KLHDC10: variants seen among roughly 807,000 people sequenced by gnomAD.
KLHDC10 encodes the protein kelch domain-containing protein 10.
Under a neutral mutation model 56.1 loss-of-function variants are expected in KLHDC10, and 24 were observed. The observed-to-expected ratio is 0.43, with a 90% CI of 0.31 to 0.60. KLHDC10 has a LOEUF of 0.60. KLHDC10 is among the 20% of genes least tolerant of loss of function. KLHDC10 has a pLI of 0.11. For synonymous variants in KLHDC10, 188 were observed against 207.1 expected (o/e 0.91, Z 0.79); for missense variants, 349 against 567.0 (o/e 0.62, Z 3.91).
At position 130,134,081 on chromosome 7, in the gene KLHDC10, A is replaced by T. The variant is rs1287494501; in HGVS notation, c.*3335A>T. The T allele has an allele frequency of 6.6e-6, 1 of 152,242 alleles. No individual in the cohort carries two copies. The highest frequency in any genetic ancestry group is 1.5e-5 in the Non-Finnish European group (1 of 68,030). 9.4% of individuals were successfully genotyped at this position (152,242 alleles called of 1,614,324 possible). On this transcript the variant is annotated 3_prime_UTR_variant, in exon 10 of 10. Transcript: ENST00000335420. ...ACCTTTGGTTATCCACAGTAGCAAG[A>T]GTAAAGCACAGATCATTGAAATCCA...
chr7:130,102,173 C>T (rs572446820), intron 2 of KLHDC10, among the ~76,000 whole-genome samples: 1 of 152,168 alleles, frequency 6.6e-6, no homozygotes, highest in South Asian at 2.1e-4. Context: ...GGTCAAACTG[C>T]TTTCTTTTTC....
At chr7:130,077,114 G>A (rs1235360488) in intron 1 of KLHDC10, among the ~76,000 whole-genome samples, 2 of 151,894 alleles carry the variant, frequency 1.3e-5, no homozygotes, top group Non-Finnish European at 2.9e-5. Flanking sequence ...CAACACTTTG[G>A]GATGCTGAGG....
At chr7:130,077,558 T>TC (rs1436441764) in intron 1 of KLHDC10, among the ~76,000 whole-genome samples, 1 of 136,656 alleles carries the variant, frequency 7.3e-6, no homozygotes, top group Admixed American at 7.2e-5. Flanking sequence ...TTTCTTTCTT[T>TC]TTTTTTTTTT....
intron 7 of KLHDC10, among the ~76,000 whole-genome samples, chr7:130,126,470 G>T (rs1228096305): frequency 1.3e-5 from 2 of 151,510 alleles, no homozygotes; most frequent in East Asian, 3.9e-4. Flanking sequence ...GAGGTCAGGA[G>T]TTCGAGACGA....
chr7:130,096,863 T>A, intron 1 of KLHDC10, 58 bp from the exon 2 acceptor site: 1 of 1,152,458 alleles, frequency 8.7e-7, no homozygotes, highest in South Asian at 1.3e-5. Flanking sequence ...ACAGTAACTA[T>A]GTATTATTTG....
chr7:130,128,911 T>A (rs1468018751), intron 8 of KLHDC10, among the ~76,000 whole-genome samples: 14 of 129,270 alleles, frequency 1.1e-4, no homozygotes, highest in Non-Finnish European at 1.6e-4. Flanking sequence ...TATATATATA[T>A]ATATATATAC....
At position 130,130,123 on chromosome 7, in the gene KLHDC10, T is replaced by C. The variant is rs981695879; in HGVS notation, c.1120-414T>C. On this transcript the variant is annotated intron_variant, in intron 9 of 9. Coordinates refer to ENST00000335420, the MANE Select transcript of KLHDC10 (RefSeq NM_014997.4). This position sits in a 1 kb window ranked among gnomAD's most constrained non-coding sequence, Gnocchi z 4.2. ...CGAGGTCAGGAGATTGAGACCATCC[T>C]GGCTAACACGGATGAAACCCCATCT... Among the ~76,000 whole-genome samples, 2 of 151,918 alleles carry C rather than the reference T, an allele frequency of 1.3e-5. No homozygotes were observed. Among genetic ancestry groups the C allele is most frequent in the Non-Finnish European group, 2.9e-5 (2 of 67,964 alleles).
At chr7:130,115,361 C>A (rs556428603) in intron 2 of KLHDC10, among the ~76,000 whole-genome samples, 1 of 152,030 alleles carries the variant, frequency 6.6e-6, no homozygotes, top group Non-Finnish European at 1.5e-5. Context: ...ACAGAAACTA[C>A]AATAAAGTTT....
rs900776537 is a variant in KLHDC10 at position 130,132,425 on chromosome 7, C to T, written c.*1679C>T. The T allele has an allele frequency of 6.6e-6, 1 of 152,160 alleles. No individual in the cohort carries two copies. Among genetic ancestry groups the T allele is most frequent in the African/African-American group, 2.4e-5 (1 of 41,430 alleles). 9.4% of individuals were successfully genotyped at this position (152,160 alleles called of 1,614,324 possible). On this transcript the variant is annotated 3_prime_UTR_variant, in exon 10 of 10. Coordinates refer to ENST00000335420, the MANE Select transcript of KLHDC10 (RefSeq NM_014997.4). Reference sequence around the variant, plus strand: ...TGTTCAGTTCTGGGAAAGAGAAAACCGTAGCCTCCAGACATGCTCCTGATT... The same window carrying T: ...TGTTCAGTTCTGGGAAAGAGAAAACTGTAGCCTCCAGACATGCTCCTGATT...
Position 130,130,244 on chromosome 7 carries a change from C to G in KLHDC10, c.1120-293C>G, listed in dbSNP as rs977509361. Among the ~76,000 whole-genome samples, 1 of 150,832 alleles carries G rather than the reference C, an allele frequency of 6.6e-6. No homozygotes were observed. Among genetic ancestry groups the G allele is most frequent in the African/African-American group, 2.4e-5 (1 of 40,886 alleles). ...CTGAAGCAGGAGAATGGCGTGAACC[C>G]GGGAGGCGGAGAGCTTGCAGTGAGC... On this transcript the variant is annotated intron_variant, in intron 9 of 9. Coordinates refer to ENST00000335420, the MANE Select transcript of KLHDC10 (RefSeq NM_014997.4). This position sits in a 1 kb window ranked among gnomAD's most constrained non-coding sequence, Gnocchi z 4.2.
At chr7:130,108,018 A>G (rs1281962488) in intron 2 of KLHDC10, among the ~76,000 whole-genome samples, 2 of 151,286 alleles carry the variant, frequency 1.3e-5, no homozygotes, top group Admixed American at 1.3e-4. Flanking sequence ...CCGTCTCCAA[A>G]CAAAACAAAA....
At chr7:130,125,715 G>T (rs1005023273) in intron 6 of KLHDC10, 150 bp from the exon 7 acceptor site, 1 of 624,438 alleles carries the variant, frequency 1.6e-6, no homozygotes, top group Non-Finnish European at 2.8e-6. Flanking sequence ...CCAGTTTTCT[G>T]TATGGAAAAT....
At chr7:130,113,949 T>C (rs1403546583) in intron 2 of KLHDC10, among the ~76,000 whole-genome samples, 1 of 152,238 alleles carries the variant, frequency 6.6e-6, no homozygotes, top group Non-Finnish European at 1.5e-5. Flanking sequence ...GTCTTGCTAA[T>C]TCTTAGAAAG....
chr7:130,076,086 T>G (rs1011611787), intron 1 of KLHDC10, among the ~76,000 whole-genome samples: 10 of 152,098 alleles, frequency 6.6e-5, no homozygotes, highest in African/African-American at 2.2e-4. Flanking sequence ...GATGAAACTG[T>G]TCCACCTCAG....
chr7:130,082,412 A>AG (rs1795621006), intron 1 of KLHDC10, among the ~76,000 whole-genome samples: 1 of 152,200 alleles, frequency 6.6e-6, no homozygotes, highest in African/African-American at 2.4e-5. Context: ...TTGATATTTT[A>AG]CTTTCCTTTT....
intron 1 of KLHDC10, among the ~76,000 whole-genome samples, chr7:130,089,938 A>G (rs189577897): frequency 2.0e-5 from 3 of 151,692 alleles, no homozygotes; most frequent in South Asian, 2.1e-4. Context: ...CTGGAGTGCA[A>G]TGGCGCGATC....
chr7:130,127,853 C>T (rs1584641467), intron 8 of KLHDC10, among the ~76,000 whole-genome samples: 2 of 152,168 alleles, frequency 1.3e-5, no homozygotes, highest in Admixed American at 1.3e-4. Context: ...AAAGTTGATT[C>T]TGTTCTCTCT....
chr7:130,090,515 G>A (rs111327579), intron 1 of KLHDC10, among the ~76,000 whole-genome samples: 14,553 of 151,708 alleles, frequency 0.096, 1,006 homozygotes, highest in East Asian at 0.31. Flanking sequence ...CTGAGCCCAC[G>A]AGGTGGAGGT....
intron 2 of KLHDC10, among the ~76,000 whole-genome samples, chr7:130,115,672 G>A (rs1796156879): frequency 7.6e-6 from 1 of 130,794 alleles, no homozygotes; most frequent in African/African-American, 3.0e-5. Context: ...CTGAGATCGC[G>A]CCACTGCACT....
Sources: gnomAD v4.1 joint callset for allele counts (sites outside exome capture counted in the v4.1 genomes callset) on GRCh38, gnomAD v4.1.1 for gene constraint, Gnocchi (gnomAD v3.1) non-coding constraint, MANE v1.5 for transcripts, NCBI Gene and HGNC (gene_info 2026-07-23, HGNC 2026-07-21) for gene names.